Variants in CTNNA3 observed in about 807,000 individuals in gnomAD.
CTNNA3 encodes catenin alpha-3.
CTNNA3 carries 76 observed loss-of-function variants against 95.7 expected under a neutral mutation model. That is an observed-to-expected ratio of 0.79 (90% CI 0.66 to 0.96). The LOEUF is 0.96. Ranked by LOEUF, CTNNA3 falls within the 40% of genes least tolerant of loss-of-function variation. The probability of loss-of-function intolerance (pLI) is 0.00; values close to 1 mark genes in which losing one functional copy is unlikely to be tolerated. For missense variants in CTNNA3, 1,191 were observed against 1,089.8 expected, an observed-to-expected ratio of 1.09 and a Z score of -1.31; for synonymous variants, 431 against 374.4, an observed-to-expected ratio of 1.15 and a Z score of -1.74.
chr10:67,697,785 C>T (rs755320824), upstream of CTNNA3, among the ~76,000 whole-genome samples: 2 of 151,976 alleles, frequency 1.3e-5, no homozygotes, highest in Non-Finnish European at 2.9e-5. Context: ...TATCTGCAGC[C>T]TCCAAGGTAG....
chr10:66,293,172 G>T (rs927961644), intron 12 of CTNNA3, among the ~76,000 whole-genome samples: 1 of 152,086 alleles, frequency 6.6e-6, no homozygotes, highest in Non-Finnish European at 1.5e-5. Context: ...GTCCTATAAA[G>T]CTTTTAAAAG....
intron 9 of CTNNA3, among the ~76,000 whole-genome samples, chr10:66,670,147 TG>T (rs968537977): frequency 1.3e-5 from 2 of 151,994 alleles, no homozygotes; most frequent in South Asian, 2.1e-4. Flanking sequence ...ATGTCCACTA[TG>T]GGGGGGATAC....
chr10:66,557,195 T>C (rs1320564190), intron 10 of CTNNA3, among the ~76,000 whole-genome samples: 3 of 152,074 alleles, frequency 2.0e-5, no homozygotes, highest in East Asian at 3.9e-4. Context: ...TGTGTGCATA[T>C]TGGGAAAAGG....
intron 12 of CTNNA3, among the ~76,000 whole-genome samples, chr10:66,290,425 C>T (rs2091662108): frequency 6.6e-6 from 1 of 151,918 alleles, no homozygotes; most frequent in African/African-American, 2.4e-5. Flanking sequence ...AACCTAAGCA[C>T]TTTGAAATTT....
At chr10:66,319,789 C>CA in intron 12 of CTNNA3, among the ~76,000 whole-genome samples, 1 of 152,072 alleles carries the variant, frequency 6.6e-6, no homozygotes, top group East Asian at 1.9e-4. Flanking sequence ...CATAAAACAC[C>CA]AAAAAACATC....
chr10:66,268,353 T>C (rs188909315), intron 13 of CTNNA3, among the ~76,000 whole-genome samples: 2 of 152,232 alleles, frequency 1.3e-5, no homozygotes, highest in Admixed American at 1.3e-4. Context: ...AAAGGCAATA[T>C]GGCGTGTGCT....
rs775582644 is a variant in CTNNA3, at chr10:66,103,236, A to G, written c.1898T>C (p.Leu633Pro). The G allele has an allele frequency of 6.2e-6, 10 of 1,613,760 alleles. No individual in the cohort carries two copies. The highest frequency in any genetic ancestry group is 3.3e-5 in the Admixed American group (2 of 60,004). Residue 633 changes from leucine (L) to proline (P), a missense_variant, in exon 14 of 18, where the codon CTG becomes CCG. Physicochemically the swap from Leu to Pro is moderately conservative, Grantham distance 98 (BLOSUM62 -3). Coordinates refer to ENST00000433211, the MANE Select transcript of CTNNA3 (RefSeq NM_013266.4). ...CTCTTCAAGGTCAGAAACATCCTCC[A>G]GTTCCTCTGGGGTCTATAAAAAGAA... ...SVMMIRTPEE[L>P]EDVSDLEEEH...
intron 10 of CTNNA3, among the ~76,000 whole-genome samples, chr10:66,620,438 A>G (rs1176899562): frequency 6.6e-6 from 1 of 152,192 alleles, no homozygotes; most frequent in African/African-American, 2.4e-5. Flanking sequence ...ATATTTGCAA[A>G]AAGAATGTTC....
chr10:67,375,054 T>C (rs1428832473), intron 5 of CTNNA3, among the ~76,000 whole-genome samples: 1 of 152,190 alleles, frequency 6.6e-6, no homozygotes, highest in Non-Finnish European at 1.5e-5. Flanking sequence ...AAGTTGAAGA[T>C]GCTATTTATT....
intron 2 of CTNNA3, among the ~76,000 whole-genome samples, chr10:67,640,145 C>A (rs146604709): frequency 0.018 from 2,774 of 152,294 alleles, 36 homozygotes; most frequent in Non-Finnish European, 0.026. Context: ...TCATAAGCAA[C>A]TACAGCAAAG....
intron 5 of CTNNA3, among the ~76,000 whole-genome samples, chr10:67,319,714 A>G (rs997738046): frequency 2.6e-5 from 4 of 151,878 alleles, no homozygotes; most frequent in Non-Finnish European, 5.9e-5. Flanking sequence ...TGGCCAACAA[A>G]GTAAAACTCC....
chr10:67,226,490 T>A (rs1020106245), intron 5 of CTNNA3, among the ~76,000 whole-genome samples: 36 of 152,100 alleles, frequency 2.4e-4, no homozygotes, highest in Non-Finnish European at 8.8e-5. Context: ...CCAGGTAACC[T>A]ACAAAGGAAA....
chr10:66,596,473 G>C (rs998717368), intron 10 of CTNNA3, among the ~76,000 whole-genome samples: 1 of 152,132 alleles, frequency 6.6e-6, no homozygotes, highest in African/African-American at 2.4e-5. Context: ...ATTGGGAGGA[G>C]TCATACTATA....
chr10:66,688,125 TAGACAAGGCTAGA>T, intron 9 of CTNNA3, among the ~76,000 whole-genome samples: 1 of 152,150 alleles, frequency 6.6e-6, no homozygotes, highest in Non-Finnish European at 1.5e-5. Context: ...TCTTCCCTGG[TAGACAAGGCTAGA>T]AGGAAACAGG....
At chr10:66,244,004 C>G (rs558207518) in intron 13 of CTNNA3, among the ~76,000 whole-genome samples, 25 of 152,142 alleles carry the variant, frequency 1.6e-4, no homozygotes, top group Admixed American at 1.4e-3. Context: ...TGCCCTGGAC[C>G]AGAGGGGAGC....
At chr10:67,171,605 G>T (rs1259716428) in intron 7 of CTNNA3, among the ~76,000 whole-genome samples, 1 of 151,048 alleles carries the variant, frequency 6.6e-6, no homozygotes, top group Admixed American at 6.6e-5. Context: ...AAAATATATT[G>T]ACCAGGCCTG....
chr10:66,138,324 T>C (rs538948942), intron 13 of CTNNA3, among the ~76,000 whole-genome samples: 22 of 152,306 alleles, frequency 1.4e-4, no homozygotes, highest in African/African-American at 5.3e-4. Context: ...CATGATGACA[T>C]AGTAATTCTT....
rs142590623 is a variant in CTNNA3 at position 67,741,978 on chromosome 10, C to T, written c.-2+21456G>A. On this transcript the variant is annotated intron_variant, in intron 1 of 17. Coordinates refer to the CTNNA3 transcript ENST00000684154. ...TAACTATCCCAAATATTGGGTGCAC[C>T]CAATACAGGAGCACCCAGATTCATA... Among the ~76,000 whole-genome samples the T allele has an allele frequency of 1.5e-4, 22 of 151,194 alleles. No homozygotes were observed. In the East Asian group the frequency reaches 4.3e-3, roughly 29 times the overall value.
chr10:67,444,967 T>A (rs1846682931), intron 5 of CTNNA3, among the ~76,000 whole-genome samples: 1 of 151,782 alleles, frequency 6.6e-6, no homozygotes, highest in African/African-American at 2.4e-5. Flanking sequence ...TATCAAACAT[T>A]TAAAGAAGAA....
Sources: gnomAD v4.1 joint callset for allele counts (sites outside exome capture counted in the v4.1 genomes callset) on GRCh38, gnomAD v4.1.1 for gene constraint, MANE v1.5 for transcripts, NCBI Gene and HGNC (gene_info 2026-07-23, HGNC 2026-07-21) for gene names.